Variants in SLC30A7 observed in about 807,000 individuals in gnomAD.
The protein encoded by SLC30A7 is zinc transporter 7.
SLC30A7 carries 35 observed loss-of-function variants against 46.0 expected under a neutral mutation model. That is an observed-to-expected ratio of 0.76 (90% CI 0.58 to 1.01). SLC30A7 has a LOEUF of 1.01. Among genes scored for constraint, SLC30A7 ranks in the 50% least tolerant of loss-of-function variants. The pLI, the probability that SLC30A7 is intolerant of heterozygous loss-of-function variation, is 0.00. For missense variants in SLC30A7, 464 were observed against 451.1 expected (o/e 1.03, Z -0.26); for synonymous variants, 147 against 157.8 (o/e 0.93, Z 0.51).
intron 8 of SLC30A7, among the ~76,000 whole-genome samples, chr1:100,936,298 G>T (rs1031045189): frequency 1.3e-5 from 2 of 152,086 alleles, no homozygotes; most frequent in Non-Finnish European, 2.9e-5. Context: ...GGAAGTGGAG[G>T]ATCTGATATT....
At chr1:100,958,748 T>C (rs1416759663) in intron 8 of SLC30A7, among the ~76,000 whole-genome samples, 3 of 152,244 alleles carry the variant, frequency 2.0e-5, no homozygotes, top group Non-Finnish European at 4.4e-5. Context: ...AAACATTTAT[T>C]TGCCAAACAC....
At chr1:100,990,677 A>G in the SLC30A7 span, 2 of 1,568,950 alleles carry the variant, frequency 1.3e-6, no homozygotes, top group Non-Finnish European at 8.8e-7. Context: ...CAAATGCATC[A>G]TCCATCCAAC....
At chr1:100,965,525 C>T (rs1275284955) in intron 9 of SLC30A7, among the ~76,000 whole-genome samples, 7 of 152,218 alleles carry the variant, frequency 4.6e-5, no homozygotes, top group Non-Finnish European at 1.0e-4. Flanking sequence ...CTGTGGGGCA[C>T]ACTCTCAGGT....
chr1:100,966,539 C>T (rs572066897), intron 10 of SLC30A7, among the ~76,000 whole-genome samples: 16 of 149,896 alleles, frequency 1.1e-4, no homozygotes, highest in Admixed American at 7.3e-4. Flanking sequence ...GAGCCAAGAT[C>T]ACGGCCACTG....
chr1:100,968,246 A>AG (rs760785028), intron 10 of SLC30A7, among the ~76,000 whole-genome samples: 35 of 152,226 alleles, frequency 2.3e-4, no homozygotes, highest in Admixed American at 3.3e-4. Flanking sequence ...AGATCACCTG[A>AG]GGTCAGGAGT....
At chr1:100,913,154 T>C (rs556985248) in intron 5 of SLC30A7, among the ~76,000 whole-genome samples, 3 of 152,230 alleles carry the variant, frequency 2.0e-5, no homozygotes, top group Non-Finnish European at 4.4e-5. Context: ...TTCTACCTGC[T>C]TTAATGTAAT....
At chr1:100,915,838 G>A (rs560178030) in intron 6 of SLC30A7, among the ~76,000 whole-genome samples, 2 of 152,128 alleles carry the variant, frequency 1.3e-5, no homozygotes, top group African/African-American at 4.8e-5. Flanking sequence ...TTTTTTTGAG[G>A]ACCCTCCATA....
chr1:100,935,670 T>C (rs554430099), intron 8 of SLC30A7, among the ~76,000 whole-genome samples: 1 of 152,326 alleles, frequency 6.6e-6, no homozygotes, highest in Non-Finnish European at 1.5e-5. Context: ...TTTTAACCAA[T>C]ACTCCCAGCT....
chr1:100,923,210 G>C (rs1429890360), intron 8 of SLC30A7, among the ~76,000 whole-genome samples: 1 of 113,782 alleles, frequency 8.8e-6, no homozygotes, highest in African/African-American at 3.4e-5. Context: ...TAGAGACGGG[G>C]TTTCACCGTG....
the SLC30A7 span, among the ~76,000 whole-genome samples, chr1:100,993,053 C>G: frequency 6.6e-6 from 1 of 152,162 alleles, no homozygotes; most frequent in African/African-American, 2.4e-5. Flanking sequence ...AAGTAAGTGG[C>G]AATTTGGTCT....
At chr1:100,914,042 T>C (rs1344696374) in intron 6 of SLC30A7, among the ~76,000 whole-genome samples, 1 of 152,198 alleles carries the variant, frequency 6.6e-6, no homozygotes, top group East Asian at 1.9e-4. Flanking sequence ...ATGCCACTTT[T>C]TTATGTATTT....
rs1357010861 is a variant in SLC30A7 at position 100,978,441 on chromosome 1, T to G, written c.*3584T>G. The stretch of plus-strand genomic sequence containing the variant: ...CCAAAACTTAAGAACCATATTTACA[T>G]TGCTTAACACAGAATTTTACATCTA... On this transcript the variant is annotated 3_prime_UTR_variant, in exon 11 of 11. Coordinates refer to ENST00000357650, the MANE Select transcript of SLC30A7 (RefSeq NM_133496.5). 1.3e-5 allele frequency: 2 copies of G among 152,174 alleles called. No individual in the cohort carries two copies. Among genetic ancestry groups the G allele is most frequent in the Non-Finnish European group, 2.9e-5 (2 of 68,014 alleles). 9.4% of individuals were successfully genotyped at this position (152,174 alleles called of 1,614,324 possible). A position where few individuals can be genotyped will look rare whatever the true frequency, so the allele number is the denominator to read the frequency against.
At chr1:100,984,492 C>A (rs977896230), downstream of SLC30A7, among the ~76,000 whole-genome samples, 4 of 152,114 alleles carry the variant, frequency 2.6e-5, no homozygotes, top group African/African-American at 9.7e-5. Context: ...CCTTGAGAAT[C>A]TTGAGAACTA....
At chr1:100,908,560 A>G (rs1284970254) in intron 3 of SLC30A7, among the ~76,000 whole-genome samples, 1 of 152,224 alleles carries the variant, frequency 6.6e-6, no homozygotes, top group African/African-American at 2.4e-5. Flanking sequence ...AAAAATACTC[A>G]TTGTACATTT....
At chr1:100,992,955 A>G in the SLC30A7 span, among the ~76,000 whole-genome samples, 1 of 152,156 alleles carries the variant, frequency 6.6e-6, no homozygotes, top group Non-Finnish European at 1.5e-5. Context: ...CTCTGATCTC[A>G]CTGAAATGAT....
At chr1:100,969,159 G>A (rs1331041711) in intron 10 of SLC30A7, among the ~76,000 whole-genome samples, 1 of 152,148 alleles carries the variant, frequency 6.6e-6, no homozygotes, top group Non-Finnish European at 1.5e-5. Context: ...TAACAACCAG[G>A]TGTCTTTCTT....
chr1:100,982,187 T>C (rs1024950700), downstream of SLC30A7, among the ~76,000 whole-genome samples: 5 of 152,242 alleles, frequency 3.3e-5, no homozygotes, highest in Admixed American at 6.5e-5. Context: ...GCACCACTCA[T>C]GTCACCTTCC....
chr1:100,994,418 C>T, the SLC30A7 span, among the ~76,000 whole-genome samples: 12 of 152,044 alleles, frequency 7.9e-5, no homozygotes, highest in Non-Finnish European at 1.6e-4. Context: ...TTAGACACTG[C>T]CTCTCTAAGT....
rs1656908419 is a variant in SLC30A7, at chr1:100,981,139, T to G, written c.*6282T>G. 6.6e-6 allele frequency: 1 copy of G among 152,142 alleles called. No individual in the cohort carries two copies. The highest frequency in any genetic ancestry group is 2.1e-4 in the South Asian group (1 of 4,832). 9.4% of individuals were successfully genotyped at this position (152,142 alleles called of 1,614,324 possible). A position where few individuals can be genotyped will look rare whatever the true frequency, so the allele number is the denominator to read the frequency against. On this transcript the variant is annotated 3_prime_UTR_variant, in exon 11 of 11. Transcript: ENST00000357650. The stretch of plus-strand genomic sequence containing the variant: ...ATACTAGCGGGGAAAATTTTTTTAT[T>G]TAGAATTTTAATATTTGAATTTTGT...
Sources: gnomAD v4.1 joint callset for allele counts (sites outside exome capture counted in the v4.1 genomes callset) on GRCh38, gnomAD v4.1.1 for gene constraint, MANE v1.5 for transcripts, NCBI Gene and HGNC (gene_info 2026-07-23, HGNC 2026-07-21) for gene names.